Variants in CYP3A43 observed in about 807,000 individuals in gnomAD.
The protein encoded by CYP3A43 is cytochrome P450 3A43.
A neutral mutation model predicts 58.0 loss-of-function variants in CYP3A43; 45 were observed. That is an observed-to-expected ratio of 0.78 (90% CI 0.61 to 0.99). The LOEUF (loss-of-function observed/expected upper bound fraction) is 0.99. Ranked by LOEUF, CYP3A43 falls within the 50% of genes least tolerant of loss-of-function variation. The pLI is 0.00. For missense variants in CYP3A43, 593 were observed against 591.9 expected, an observed-to-expected ratio of 1.00 and a Z score of -0.02; for synonymous variants, 191 against 201.4, an observed-to-expected ratio of 0.95 and a Z score of 0.44.
intron 11 of CYP3A43, among the ~76,000 whole-genome samples, chr7:99,863,076 A>T (rs1048638152): frequency 6.6e-6 from 1 of 152,198 alleles, no homozygotes; most frequent in Non-Finnish European, 1.5e-5. Context: ...ACTATATTCT[A>T]TAGACACCAG....
At chr7:99,851,358 A>AT (rs1383059074) in intron 7 of CYP3A43, among the ~76,000 whole-genome samples, 2 of 152,206 alleles carry the variant, frequency 1.3e-5, no homozygotes, top group Non-Finnish European at 2.9e-5. Context: ...TAGTAATTCC[A>AT]TGTTTCACTT....
Position 99,863,687 on chromosome 7 carries a change from T to A in CYP3A43, c.1404T>A (p.Cys468Ter). ...TGCAGAACTTCTCCTTCAAACCTTG[T>A]AAAGAGACTCAGGTCAGTAAACTTT... ...RALQNFSFKP[C>*]KETQIPLKLD... Residue 468 changes from cysteine to a stop codon, truncating the protein, a stop_gained, in exon 12 of 13, where the codon TGT (cysteine) becomes TGA (stop). Coordinates refer to ENST00000354829, the MANE Select transcript of CYP3A43 (RefSeq NM_057095.3). LOFTEE classifies it low-confidence loss of function (END_TRUNC). 6.2e-7 allele frequency: 1 copy of A among 1,602,868 alleles called. No homozygotes were observed. Among genetic ancestry groups the A allele is most frequent in the Non-Finnish European group, 8.5e-7 (1 of 1,175,194 alleles).
At chr7:99,864,109 G>A (rs1313759429) in intron 12 of CYP3A43, among the ~76,000 whole-genome samples, 2 of 148,570 alleles carry the variant, frequency 1.3e-5, no homozygotes, top group Non-Finnish European at 2.9e-5. Context: ...TCATGACAGT[G>A]TTTCTCAACC....
Position 99,863,533 on chromosome 7 carries a change from G to A in CYP3A43, c.1254-4G>A. ...CTAGTTTTTATGTACTACTGTGAAA[G>A]TAGGTTCAGTAAGAAGAACAAGGAC... On this transcript the variant is annotated splice_polypyrimidine_tract_variant and splice_region_variant and intron_variant, in intron 11 of 12. Transcript: ENST00000354829. 1 of 1,592,494 alleles carries A rather than the reference G, an allele frequency of 6.3e-7. No individual in the cohort carries two copies. The highest frequency in any genetic ancestry group is 8.5e-7 in the Non-Finnish European group (1 of 1,172,330).
intron 2 of CYP3A43, among the ~76,000 whole-genome samples, chr7:99,836,857 AG>A (rs1302141734): frequency 6.6e-6 from 1 of 152,144 alleles, no homozygotes; most frequent in Non-Finnish European, 1.5e-5. Context: ...ATTTTTGAGA[AG>A]CTACAGTTGT....
intron 7 of CYP3A43, among the ~76,000 whole-genome samples, chr7:99,850,621 G>A (rs1201980909): frequency 6.6e-6 from 1 of 152,090 alleles, no homozygotes; most frequent in African/African-American, 2.4e-5. Context: ...GCCTCCCAAA[G>A]TTCTGGGATT....
intron 8 of CYP3A43, 58 bp from the exon 9 acceptor site, chr7:99,856,775 T>C: frequency 6.3e-7 from 1 of 1,587,958 alleles, no homozygotes; most frequent in South Asian, 1.1e-5. Context: ...GGACTCCTGA[T>C]TCACTTCTGA....
chr7:99,839,056 G>A (rs1817213845), intron 2 of CYP3A43, 64 bp from the exon 3 acceptor site: 1 of 1,594,382 alleles, frequency 6.3e-7, no homozygotes, highest in Admixed American at 1.7e-5. Context: ...TTTTTGCCCT[G>A]GTTAAATGTA....
At chr7:99,833,204 GA>G (rs1382550580) in intron 1 of CYP3A43, among the ~76,000 whole-genome samples, 8 of 152,170 alleles carry the variant, frequency 5.3e-5, no homozygotes, top group African/African-American at 1.9e-4. Flanking sequence ...GAATCAGAGA[GA>G]CTGATGGGGT....
chr7:99,836,558 T>G lies in CYP3A43; in HGVS notation c.165+12T>G, dbSNP rs1481606454. The G allele has an allele frequency of 6.4e-7, 1 of 1,557,466 alleles. No individual in the cohort carries two copies. Among genetic ancestry groups the G allele is most frequent in the African/African-American group, 1.4e-5 (1 of 72,110 alleles). On this transcript the variant is annotated intron_variant, in intron 2 of 12. Transcript: ENST00000354829. ...TGTTCTACCTTAGGGTAAGTGTTAT[T>G]TGAGCTCCCTCTTTTGCTTCTTATC... is the stretch of plus-strand genomic sequence containing the variant.
intron 7 of CYP3A43, among the ~76,000 whole-genome samples, chr7:99,852,064 G>A (rs988414409): frequency 8.5e-5 from 13 of 152,186 alleles, no homozygotes; most frequent in African/African-American, 3.1e-4. Context: ...AGACGATTTT[G>A]TCCCCATTCA....
intron 1 of CYP3A43, among the ~76,000 whole-genome samples, chr7:99,832,247 TAA>T (rs111403180): frequency 2.8e-4 from 40 of 141,584 alleles, no homozygotes; most frequent in African/African-American, 1.0e-3. Context: ...GTTCAAAAGA[TAA>T]AAAAAAAAAA....
rs1249352519 is a variant in CYP3A43, at chr7:99,859,818, C to T, written c.866-12C>T. On this transcript the variant is annotated splice_polypyrimidine_tract_variant and intron_variant, in intron 9 of 12. Coordinates refer to ENST00000354829, the MANE Select transcript of CYP3A43 (RefSeq NM_057095.3). ...AACCACTTTTCCTAAAATATATTTC[C>T]TCTCCTTTCAGCTCTGTCTGATCTG... The T allele has an allele frequency of 1.9e-6, 3 of 1,613,884 alleles. No homozygotes were observed. The Admixed American group carries it at 5.0e-5, about 27-fold the overall frequency.
Position 99,856,840 on chromosome 7 carries a change from T to C in CYP3A43, c.806T>C (p.Val269Ala). 1 of 1,613,852 alleles carries C rather than the reference T, an allele frequency of 6.2e-7. No homozygotes were observed. Among genetic ancestry groups the C allele is most frequent in the South Asian group, 1.1e-5 (1 of 91,020 alleles). ...SRLKDKQKHRVDFFQQMIDSQ... is the reference protein window; with the variant it reads ...SRLKDKQKHRADFFQQMIDSQ... The stretch of plus-strand genomic sequence containing the variant: ...TTCTCTTTTTGCTTCCAGCATCGAG[T>C]AGATTTCTTTCAACAGATGATCGAC... Residue 269 changes from valine to alanine, a missense_variant, in exon 9 of 13, where the codon GTA (valine) becomes GCA (alanine). Transcript: ENST00000354829.
In CYP3A43 at chr7:99,865,916, A is replaced by G; in HGVS notation, c.1427A>G (p.Lys476Arg). 1 of 1,603,836 alleles carries G rather than the reference A, an allele frequency of 6.2e-7. No individual in the cohort carries two copies. The highest frequency in any genetic ancestry group is 8.5e-7 in the Non-Finnish European group (1 of 1,176,148). The change falls in exon 13 of 13, where the codon AAA (lysine) becomes AGA (arginine). Residue 476 changes from lysine (K) to arginine (R), a missense_variant. Lys to Arg is a conservative substitution (Grantham distance 26, BLOSUM62 2). Coordinates refer to ENST00000354829, the MANE Select transcript of CYP3A43 (RefSeq NM_057095.3). ...GTTTAACTTTTGCAGATCCCACTGAAATTAGACAATCTACCAATTCTTCAA... is the reference window on the plus strand; with the variant it reads ...GTTTAACTTTTGCAGATCCCACTGAGATTAGACAATCTACCAATTCTTCAA... Reference protein sequence around the residue: ...KPCKETQIPLKLDNLPILQPE... With the variant: ...KPCKETQIPLRLDNLPILQPE...
At chr7:99,862,772 G>A (rs1212878907) in intron 11 of CYP3A43, among the ~76,000 whole-genome samples, 6 of 152,188 alleles carry the variant, frequency 3.9e-5, no homozygotes, top group Non-Finnish European at 8.8e-5. Flanking sequence ...TAGGCATGCT[G>A]TCTCTACTGC....
At chr7:99,864,065 C>A (rs1818352393) in intron 12 of CYP3A43, among the ~76,000 whole-genome samples, 1 of 148,580 alleles carries the variant, frequency 6.7e-6, no homozygotes, top group African/African-American at 2.6e-5. Context: ...GTGCTCTCCT[C>A]CACTAGAACT....
chr7:99,836,151 A>G (rs1817067371), intron 1 of CYP3A43, among the ~76,000 whole-genome samples: 1 of 152,182 alleles, frequency 6.6e-6, no homozygotes, highest in Non-Finnish European at 1.5e-5. Flanking sequence ...CAGGAAGCAG[A>G]GTCAGGAGCA....
At chr7:99,841,355 C>A (rs534727990) in intron 3 of CYP3A43, among the ~76,000 whole-genome samples, 1 of 152,274 alleles carries the variant, frequency 6.6e-6, no homozygotes, top group African/African-American at 2.4e-5. Flanking sequence ...GAAACCCCAG[C>A]CAGTTAAGAG....
Sources: allele counts gnomAD v4.1 joint callset (sites outside exome capture counted in the v4.1 genomes callset), GRCh38; gene constraint gnomAD v4.1.1; transcripts MANE v1.5; gene names NCBI Gene and HGNC (gene_info 2026-07-23, HGNC 2026-07-21).